The following TSPAN11 variants were observed in gnomAD, a reference collection of about 807,000 sequenced individuals.
TSPAN11 encodes tetraspanin-11.
TSPAN11 carries 29 observed loss-of-function variants against 32.9 expected under a neutral mutation model. That is an observed-to-expected ratio of 0.88 (90% CI 0.66 to 1.20). The LOEUF (loss-of-function observed/expected upper bound fraction) is 1.20, where lower values mean the gene tolerates loss of function less well. Ranked by LOEUF, TSPAN11 falls within the 50% of genes most tolerant of loss-of-function variation. The pLI, the probability that TSPAN11 is intolerant of heterozygous loss-of-function variation, is 0.00. For synonymous variants in TSPAN11, 140 were observed against 141.3 expected, an observed-to-expected ratio of 0.99 and a Z score of 0.07; for missense variants, 283 against 329.1, an observed-to-expected ratio of 0.86 and a Z score of 1.08.
rs1436585254 is a variant in TSPAN11, at chr12:30,975,990, C to T, written c.277-2571C>T. 2.0e-5 allele frequency among the ~76,000 whole-genome samples: 3 copies of T among 152,152 alleles called. No individual in the cohort carries two copies. The highest frequency in any genetic ancestry group is 6.5e-5 in the Admixed American group (1 of 15,292). On this transcript the variant is annotated intron_variant, in intron 3 of 7. Transcript: ENST00000546076. This position sits in a 1 kb window ranked among gnomAD's most constrained non-coding sequence, Gnocchi z 4.5. ...AAGTTTGGAGCAGGCAGGAAGGGCA[C>T]GCATGTCAGAAAGGAGCCGCAGGGC...
intron 3 of TSPAN11, among the ~76,000 whole-genome samples, chr12:30,965,019 C>T (rs371306480): frequency 3.0e-4 from 46 of 152,356 alleles, no homozygotes; most frequent in African/African-American, 1.0e-3. Flanking sequence ...CAGGGTGATG[C>T]AGGTCGGTCA....
At chr12:30,938,833 T>C (rs1391580995) in intron 1 of TSPAN11, among the ~76,000 whole-genome samples, 1 of 152,124 alleles carries the variant, frequency 6.6e-6, no homozygotes, top group Non-Finnish European at 1.5e-5. Flanking sequence ...TCTTCCCTCC[T>C]CAAAGCCTAC....
chr12:30,962,572 G>A lies in TSPAN11; in HGVS notation c.85-1254G>A, dbSNP rs948722273. On this transcript the variant is annotated intron_variant, in intron 2 of 7. Coordinates refer to ENST00000546076, the MANE Select transcript of TSPAN11 (RefSeq NM_001370302.1). ...GTTTGCTCAACGGATGTCTGTGACTGCCCAGAACAGAGAACTGGGAAATGA... is the reference window on the plus strand; with the variant it reads ...GTTTGCTCAACGGATGTCTGTGACTACCCAGAACAGAGAACTGGGAAATGA... 2.6e-5 allele frequency among the ~76,000 whole-genome samples: 4 copies of A among 152,228 alleles called. No individual in the cohort carries two copies. The South Asian group carries it at 8.3e-4, about 32-fold the overall frequency.
At chr12:30,973,670 G>A (rs1214813981) in intron 3 of TSPAN11, among the ~76,000 whole-genome samples, 7 of 152,212 alleles carry the variant, frequency 4.6e-5, no homozygotes, top group Middle Eastern at 3.4e-3. Context: ...GGTGGAGCGG[G>A]GGCCCTCTCT....
chr12:30,961,604 C>G (rs1474706737), intron 2 of TSPAN11, among the ~76,000 whole-genome samples: 2 of 151,982 alleles, frequency 1.3e-5, no homozygotes, highest in Non-Finnish European at 2.9e-5. Context: ...GAAACCCTCT[C>G]ATTCCTTACA....
intron 1 of TSPAN11, 130 bp downstream of exon 1, chr12:30,926,926 G>T (rs1205010123): frequency 1.6e-6 from 2 of 1,282,382 alleles, no homozygotes; most frequent in African/African-American, 3.1e-5. Context: ...GCTTCCCCCG[G>T]GCGGGCAGAG....
intron 1 of TSPAN11, among the ~76,000 whole-genome samples, chr12:30,928,409 T>C (rs1408964776): frequency 6.6e-6 from 1 of 152,112 alleles, no homozygotes; most frequent in Non-Finnish European, 1.5e-5. Context: ...ACCACCAAGT[T>C]CTATCTCTTG....
the TSPAN11 span, among the ~76,000 whole-genome samples, chr12:31,011,541 G>A: frequency 0.3 from 45,755 of 152,076 alleles, 7,786 homozygotes; most frequent in Non-Finnish European, 0.38. Flanking sequence ...ACTGCAGCCC[G>A]GCATCAGCTA....
intron 1 of TSPAN11, among the ~76,000 whole-genome samples, chr12:30,933,588 G>A (rs925726680): frequency 2.0e-5 from 3 of 152,188 alleles, no homozygotes; most frequent in Non-Finnish European, 2.9e-5. Context: ...ACCTCTCCCT[G>A]AAGCTCATGG....
At chr12:30,985,494 A>G (rs1296984618) in intron 7 of TSPAN11, among the ~76,000 whole-genome samples, 1 of 152,052 alleles carries the variant, frequency 6.6e-6, no homozygotes, top group African/African-American at 2.4e-5. Context: ...TTGCCCCTCT[A>G]TTGCACTTCC....
chr12:31,015,034 G>A, the TSPAN11 span, among the ~76,000 whole-genome samples: 1 of 152,150 alleles, frequency 6.6e-6, no homozygotes. The surrounding 1 kb of genome is among the most constrained non-coding windows in gnomAD (Gnocchi z 4.9). Context: ...CTTTGCTATT[G>A]TGTTACCTGC....
At chr12:30,943,327 C>T (rs955047093) in intron 1 of TSPAN11, among the ~76,000 whole-genome samples, 3 of 152,200 alleles carry the variant, frequency 2.0e-5, no homozygotes, top group Non-Finnish European at 4.4e-5. Flanking sequence ...GGGTCTCAAA[C>T]ATCTGCTCTC....
At chr12:30,964,960 A>G (rs1313592975) in intron 3 of TSPAN11, among the ~76,000 whole-genome samples, 1 of 152,152 alleles carries the variant, frequency 6.6e-6, no homozygotes, top group African/African-American at 2.4e-5. Context: ...CTGAGAGCCA[A>G]CCATGCCACC....
intron 3 of TSPAN11, among the ~76,000 whole-genome samples, chr12:30,973,298 C>T (rs1938890560): frequency 6.6e-6 from 1 of 152,186 alleles, no homozygotes; most frequent in African/African-American, 2.4e-5. Context: ...AATGCTAGTA[C>T]TCATCTCCAA....
At position 30,979,629 on chromosome 12, in the gene TSPAN11, G is replaced by A; in HGVS notation, c.415G>A (p.Ala139Thr). The stretch of plus-strand genomic sequence containing the variant: ...GGCTGAGAACTACGGGCAGCCCGGA[G>A]CCACGCAGATCACCGCCTCAGTGGA... ...TLAENYGQPG[A>T]TQITASVDRL... The change falls in exon 5 of 8, where the codon GCC becomes ACC. Residue 139 changes from alanine (A) to threonine (T), a missense_variant. Physicochemically the swap from Ala to Thr is moderately conservative, Grantham distance 58. Transcript: ENST00000546076. 6.2e-7 allele frequency: 1 copy of A among 1,614,184 alleles called. No homozygotes were observed. The highest frequency in any genetic ancestry group is 1.3e-5 in the African/African-American group (1 of 75,062).
rs1938668119 is a variant in TSPAN11 at position 30,963,872 on chromosome 12, A to T, written c.131A>T (p.Glu44Val). The change falls in exon 3 of 8, where the codon GAG (glutamate) becomes GTG (valine). Residue 44 changes from glutamate to valine, a missense_variant. Glu to Val is a moderately radical substitution (Grantham distance 121, BLOSUM62 -2). Coordinates refer to ENST00000546076, the MANE Select transcript of TSPAN11 (RefSeq NM_001370302.1). Reference sequence around the variant, plus strand: ...GCTGTGGGCATCTGGACCCTGGTGGAGAAGAGTGGCTACCTCAGCGTCCTG... The same window carrying T: ...GCTGTGGGCATCTGGACCCTGGTGGTGAAGAGTGGCTACCTCAGCGTCCTG... ...VLAVGIWTLVEKSGYLSVLAS... is the reference protein window; with the variant it reads ...VLAVGIWTLVVKSGYLSVLAS... The T allele has an allele frequency of 6.2e-7, 1 of 1,612,326 alleles. No homozygotes were observed. Among genetic ancestry groups the T allele is most frequent in the Admixed American group, 1.7e-5 (1 of 60,014 alleles).
chr12:30,988,069 A>G (rs937361256), intron 7 of TSPAN11, among the ~76,000 whole-genome samples: 2 of 152,202 alleles, frequency 1.3e-5, no homozygotes, highest in Non-Finnish European at 2.9e-5. Context: ...AGGCCCCTCC[A>G]TGCTGAAGTT....
At chr12:31,006,389 C>T in the TSPAN11 span, among the ~76,000 whole-genome samples, 9 of 152,354 alleles carry the variant, frequency 5.9e-5, no homozygotes, top group South Asian at 1.9e-3. Context: ...CCTGCTTTCC[C>T]AGTTGAGGGC....
chr12:30,938,300 C>T (rs1280347027), intron 1 of TSPAN11, among the ~76,000 whole-genome samples: 1 of 152,174 alleles, frequency 6.6e-6, no homozygotes, highest in African/African-American at 2.4e-5. Flanking sequence ...GTCTGTCCAC[C>T]CTCAATGGAC....
Sources: gnomAD v4.1 joint callset for allele counts (sites outside exome capture counted in the v4.1 genomes callset) on GRCh38, gnomAD v4.1.1 for gene constraint, Gnocchi (gnomAD v3.1) non-coding constraint, MANE v1.5 for transcripts, NCBI Gene and HGNC (gene_info 2026-07-23, HGNC 2026-07-21) for gene names.